The following AIG1 variants were observed in gnomAD, a reference collection of about 807,000 sequenced individuals.
The protein encoded by AIG1 is androgen induced 1, also known as androgen-induced gene 1 protein.
A neutral mutation model predicts 31.4 loss-of-function variants in AIG1; 23 were observed. That is an observed-to-expected ratio of 0.73 (90% CI 0.53 to 1.04). The LOEUF is 1.04. AIG1 is among the 50% of genes least tolerant of loss of function. AIG1 has a pLI of 0.00. For synonymous variants in AIG1, 100 were observed against 110.5 expected (o/e 0.90, Z 0.60); for missense variants, 274 against 295.0 (o/e 0.93, Z 0.52).
chr6:143,257,047 A>G (rs1205651754), intron 3 of AIG1, among the ~76,000 whole-genome samples: 3 of 152,256 alleles, frequency 2.0e-5, no homozygotes, highest in Non-Finnish European at 4.4e-5. Context: ...GAATCTACAC[A>G]TTTAAGATAT....
intron 4 of AIG1, among the ~76,000 whole-genome samples, chr6:143,312,790 A>C (rs146904787): frequency 2.0e-5 from 3 of 151,166 alleles, no homozygotes; most frequent in Admixed American, 6.6e-5. Context: ...TTGGGAAAAA[A>C]AATACTTGAA....
chr6:143,208,685 C>G (rs769552375), intron 3 of AIG1, among the ~76,000 whole-genome samples: 1 of 152,146 alleles, frequency 6.6e-6, no homozygotes, highest in African/African-American at 2.4e-5. Context: ...ATTCATACTG[C>G]ATAAAAGCAA....
chr6:143,126,710 A>G (rs1782713382), intron 1 of AIG1, among the ~76,000 whole-genome samples: 1 of 152,230 alleles, frequency 6.6e-6, no homozygotes, highest in South Asian at 2.1e-4. Context: ...TTTATGCTAT[A>G]AAGTACCTCA....
chr6:143,265,989 A>T lies in AIG1; in HGVS notation c.400-18121A>T, dbSNP rs113660143. Among the ~76,000 whole-genome samples the T allele has an allele frequency of 7.2e-4, 109 of 152,102 alleles. 1 individual carries two copies. Among genetic ancestry groups the T allele is most frequent in the South Asian group, 3.7e-3 (18 of 4,820 alleles). On this transcript the variant is annotated intron_variant, in intron 3 of 5. Coordinates refer to ENST00000357847, the MANE Select transcript of AIG1 (RefSeq NM_016108.4). Reference sequence around the variant, plus strand: ...TCATTCAGTGGCATTTCTCTTCATTACTCTGATTTAGAATCCTGCTTATCT... The same window carrying T: ...TCATTCAGTGGCATTTCTCTTCATTTCTCTGATTTAGAATCCTGCTTATCT...
rs535513637 is a variant in AIG1, at chr6:143,243,304, A to G, written c.400-40806A>G. 1.8e-4 allele frequency among the ~76,000 whole-genome samples: 27 copies of G among 152,354 alleles called. No individual in the cohort carries two copies. The East Asian group carries it at 5.2e-3, about 29-fold the overall frequency. On this transcript the variant is annotated intron_variant, in intron 3 of 5. Coordinates refer to ENST00000357847, the MANE Select transcript of AIG1 (RefSeq NM_016108.4). ...CTTATCTAAAACAATTCAAGAGGAC[A>G]ATAAAAGATAAATAATTCTAGAATG...
At chr6:143,072,622 GTTTC>G (rs1777395092) in intron 1 of AIG1, among the ~76,000 whole-genome samples, 1 of 151,784 alleles carries the variant, frequency 6.6e-6, no homozygotes, top group African/African-American at 2.4e-5. Flanking sequence ...AGTTGAGTAA[GTTTC>G]TTTCTATTCC....
intron 1 of AIG1, among the ~76,000 whole-genome samples, chr6:143,081,785 CTA>C (rs1334623393): frequency 6.6e-6 from 1 of 152,144 alleles, no homozygotes; most frequent in Non-Finnish European, 1.5e-5. Context: ...GGAGAGGAAA[CTA>C]TGTCCTCGTG....
At chr6:143,230,918 A>T (rs1562509936) in intron 3 of AIG1, among the ~76,000 whole-genome samples, 1 of 152,178 alleles carries the variant, frequency 6.6e-6, no homozygotes. Context: ...TGCTCCTTAA[A>T]TGTACAATTA....
At chr6:143,137,638 A>C (rs970884129) in intron 2 of AIG1, among the ~76,000 whole-genome samples, 2 of 152,110 alleles carry the variant, frequency 1.3e-5, no homozygotes, top group African/African-American at 4.8e-5. Context: ...GTCTGTTTTG[A>C]CTTCATTGAT....
chr6:143,245,077 G>A (rs1362939034), intron 3 of AIG1, among the ~76,000 whole-genome samples: 2 of 152,196 alleles, frequency 1.3e-5, no homozygotes, highest in Non-Finnish European at 2.9e-5. Context: ...GTTGGAGAAC[G>A]GTGGGTCACC....
chr6:143,263,582 A>G (rs1009278043), intron 3 of AIG1, among the ~76,000 whole-genome samples: 3 of 152,242 alleles, frequency 2.0e-5, no homozygotes, highest in Non-Finnish European at 2.9e-5. Flanking sequence ...ATGTAGAAAC[A>G]AGAAAGATCA....
upstream of AIG1, among the ~76,000 whole-genome samples, chr6:143,059,755 C>T (rs1329920197): frequency 6.6e-6 from 1 of 152,218 alleles, no homozygotes; most frequent in Non-Finnish European, 1.5e-5. Flanking sequence ...CATCCTCTGA[C>T]TCAGAGACTA....
intron 4 of AIG1, among the ~76,000 whole-genome samples, chr6:143,316,566 G>GACA (rs939609785): frequency 6.6e-6 from 1 of 151,786 alleles, no homozygotes; most frequent in African/African-American, 2.4e-5. Flanking sequence ...AGCACAAAGA[G>GACA]ACAATCTAAG....
intron 4 of AIG1, among the ~76,000 whole-genome samples, chr6:143,313,040 A>G (rs987321865): frequency 6.6e-6 from 1 of 152,142 alleles, no homozygotes. Flanking sequence ...GCTTTTATCC[A>G]AAGACAGCCA....
intron 1 of AIG1, among the ~76,000 whole-genome samples, chr6:143,097,768 A>G (rs1196084076): frequency 1.3e-5 from 2 of 152,210 alleles, no homozygotes; most frequent in South Asian, 2.1e-4. Context: ...TGCTTGTTTC[A>G]GTATAAGACA....
chr6:143,234,489 G>A (rs1793670907), intron 3 of AIG1, among the ~76,000 whole-genome samples: 1 of 152,206 alleles, frequency 6.6e-6, no homozygotes, highest in Non-Finnish European at 1.5e-5. Flanking sequence ...AGCATCAGAT[G>A]TCTTTCAGGA....
At position 143,288,194 on chromosome 6, in the gene AIG1, G is replaced by A. The variant is rs551988353; in HGVS notation, c.515+3969G>A. ...TGTCTCTGCAGTTCTGCTTCTCATT[G>A]CTCTGCCTTTCAGTCTGCAAGATAC... On this transcript the variant is annotated intron_variant, in intron 4 of 5. Coordinates refer to ENST00000357847, the MANE Select transcript of AIG1 (RefSeq NM_016108.4). The surrounding 1 kb of genome is among the most constrained non-coding windows in gnomAD (Gnocchi z 4.4). 1.6e-4 allele frequency among the ~76,000 whole-genome samples: 25 copies of A among 152,224 alleles called. No individual in the cohort carries two copies. Among genetic ancestry groups the A allele is most frequent in the African/African-American group, 6.0e-4 (25 of 41,502 alleles).
Position 143,333,559 on chromosome 6 carries a change from T to A in AIG1, c.679+114T>A. 1 of 1,040,218 alleles carries A rather than the reference T, an allele frequency of 9.6e-7. No individual in the cohort carries two copies. The highest frequency in any genetic ancestry group is 1.3e-6 in the Non-Finnish European group (1 of 751,500). The allele number at this position is 1,040,218 out of a possible 1,614,324, so 64.4% of individuals were successfully genotyped here. On this transcript the variant is annotated intron_variant, in intron 5 of 5. Transcript: ENST00000357847. The surrounding 1 kb of genome is among the most constrained non-coding windows in gnomAD (Gnocchi z 4.6). ...CTTCTTTTAGCCTTCACACAGGATC[T>A]CCTATAAAGAGCTCCATTTTTAAAA...
In AIG1 at chr6:143,297,474, T is replaced by A. The variant is rs1798507518; in HGVS notation, c.515+13249T>A. On this transcript the variant is annotated intron_variant, in intron 4 of 5. Transcript: ENST00000357847. The surrounding 1 kb of genome is among the most constrained non-coding windows in gnomAD (Gnocchi z 5.1). The stretch of plus-strand genomic sequence containing the variant: ...TTTAGATGATTGGTTGGTTGGTTGG[T>A]TGGTTGGATGGTTTCTTGGGTGGTT... Among the ~76,000 whole-genome samples the A allele has an allele frequency of 6.6e-6, 1 of 151,916 alleles. No homozygotes were observed. The highest frequency in any genetic ancestry group is 2.1e-4 in the South Asian group (1 of 4,812).
Sources: gnomAD v4.1 joint callset for allele counts (sites outside exome capture counted in the v4.1 genomes callset) on GRCh38, gnomAD v4.1.1 for gene constraint, Gnocchi (gnomAD v3.1) non-coding constraint, MANE v1.5 for transcripts, NCBI Gene and HGNC (gene_info 2026-07-23, HGNC 2026-07-21) for gene names.